SHOX: variants seen among roughly 807,000 people sequenced by gnomAD.
The protein encoded by SHOX is short stature homeobox protein.
In SHOX, 12 loss-of-function variants were observed where a neutral mutation model predicts 29.6. The ratio of observed to expected loss-of-function variants is 0.41; its 90% CI spans 0.26 to 0.66. SHOX has a LOEUF of 0.66. SHOX is among the 30% of genes least tolerant of loss of function. The pLI is 0.35. For missense variants in SHOX, 499 were observed against 437.7 expected (o/e 1.14, Z -1.25); for synonymous variants, 214 against 200.6 (o/e 1.07, Z -0.57).
rs756115596 is a variant in SHOX, at chrX:650,329, C to T, written c.*5693C>T. On this transcript the variant is annotated 3_prime_UTR_variant, in exon 5 of 5. Transcript: ENST00000686671. ...ACGCCCTGTCGTAGGAATGGCCTCT[C>T]CATCCCGCCAAAGTCCAGCCAGGCC... Among the ~76,000 whole-genome samples, 1 of 138,154 alleles carries T rather than the reference C, an allele frequency of 7.2e-6. No individual in the cohort carries two copies. Among genetic ancestry groups the T allele is most frequent in the African/African-American group, 2.7e-5 (1 of 37,240 alleles). 90.6% of individuals were successfully genotyped at this position (138,154 alleles called of 152,430 possible).
chrX:629,033 C>G (rs868501656), upstream of SHOX, among the ~76,000 whole-genome samples: 7,801 of 34,382 alleles, frequency 0.23, 1,585 homozygotes, highest in Admixed American at 0.32. Flanking sequence ...CTCTCCCTTT[C>G]TCTCTCTCTG....
chrX:628,205 C>G (rs1371028010), upstream of SHOX, among the ~76,000 whole-genome samples: 19 of 132,690 alleles, frequency 1.4e-4, no homozygotes, highest in African/African-American at 3.0e-4. Context: ...CTCTCCCTCT[C>G]TCTCCCTGTC....
upstream of SHOX, chrX:630,316 T>A (rs1447141087): frequency 1.4e-5 from 2 of 142,464 alleles, no homozygotes; most frequent in Non-Finnish European, 3.1e-5. Flanking sequence ...GATCCCCCCC[T>A]CGCCATCTCA....
At chrX:651,846 G>A (rs2053069920), downstream of SHOX, among the ~76,000 whole-genome samples, 1 of 151,512 alleles carries the variant, frequency 6.6e-6, no homozygotes. Context: ...CCAGAAGGTG[G>A]CAAAAAAAAC....
At chrX:629,418 TCC>T (rs1181332834), upstream of SHOX, among the ~76,000 whole-genome samples, 1 of 151,348 alleles carries the variant, frequency 6.6e-6, no homozygotes, top group Non-Finnish European at 1.5e-5. Context: ...TCTCCGTCTT[TCC>T]CCCTCTGTCT....
chrX:651,236 T>C lies in SHOX; in HGVS notation c.*6600T>C. On this transcript the variant is annotated 3_prime_UTR_variant, in exon 5 of 5. Coordinates refer to ENST00000686671, the MANE Select transcript of SHOX (RefSeq NM_000451.4). ...TGCTTTTTCTTTTTCCCTCCCCCAT[T>C]GACGACATAGCGGCCCCCGCGTCCG... The C allele has an allele frequency of 2.2e-6, 1 of 448,466 alleles. No individual in the cohort carries two copies. The highest frequency in any genetic ancestry group is 1.6e-5 in the South Asian group (1 of 62,592). 27.8% of individuals were successfully genotyped at this position (448,466 alleles called of 1,614,324 possible). A position where few individuals can be genotyped will look rare whatever the true frequency, so the allele number is the denominator to read the frequency against.
rs867201344 is a variant in SHOX, at chrX:635,386, G to A, written c.486+560G>A. The stretch of plus-strand genomic sequence containing the variant: ...TTGAAAAGGTTTCCTTAGGATGAAA[G>A]GAGAGGGGTGTCCTCTGTCCCTAGG... On this transcript the variant is annotated intron_variant, in intron 2 of 4. Transcript: ENST00000686671. 1.6e-3 allele frequency among the ~76,000 whole-genome samples: 241 copies of A among 152,282 alleles called. No homozygotes were observed. The Middle Eastern group carries it at 0.031, about 19-fold the overall frequency.
intron 1 of SHOX, among the ~76,000 whole-genome samples, chrX:633,730 G>A (rs774028123): frequency 1.5e-3 from 227 of 152,192 alleles, no homozygotes; most frequent in African/African-American, 5.2e-3. Flanking sequence ...CAGCAGGCCC[G>A]AGATAGGAAC....
intron 2 of SHOX, among the ~76,000 whole-genome samples, chrX:638,820 C>G (rs1038839113): frequency 4.6e-5 from 7 of 152,228 alleles, no homozygotes; most frequent in Non-Finnish European, 2.9e-5. Flanking sequence ...TTGCCCACAA[C>G]AGCCGGAGTG....
chrX:652,457 G>A (rs1293574166), downstream of SHOX, among the ~76,000 whole-genome samples: 2 of 151,546 alleles, frequency 1.3e-5, no homozygotes, highest in Non-Finnish European at 2.9e-5. Context: ...TGAGCTGGGA[G>A]GGAAGTGGGG....
chrX:649,797 C>G lies in SHOX; in HGVS notation c.*5161C>G, dbSNP rs1230283659. The G allele has an allele frequency of 9.5e-6, 4 of 420,438 alleles. No individual in the cohort carries two copies. The highest frequency in any genetic ancestry group is 7.0e-5 in the East Asian group (1 of 14,202). The allele number at this position is 420,438 out of a possible 1,614,324, so 26.0% of individuals were successfully genotyped here. A position where few individuals can be genotyped will look rare whatever the true frequency, so the allele number is the denominator to read the frequency against. The stretch of plus-strand genomic sequence containing the variant: ...TACGTATTTTCTTCCCTCCTCTCCC[C>G]AAAACTTGGCCAAATAGTCCGTGGA... On this transcript the variant is annotated 3_prime_UTR_variant, in exon 5 of 5. Coordinates refer to ENST00000686671, the MANE Select transcript of SHOX (RefSeq NM_000451.4).
At chrX:629,517 C>T (rs2124149410), upstream of SHOX, among the ~76,000 whole-genome samples, 1 of 151,914 alleles carries the variant, frequency 6.6e-6, no homozygotes, top group African/African-American at 2.4e-5. Context: ...ATCTCTCTCT[C>T]TCCCTGTCTC....
intron 1 of SHOX, among the ~76,000 whole-genome samples, chrX:634,137 A>G (rs779190282): frequency 6.6e-6 from 1 of 152,254 alleles, no homozygotes; most frequent in Admixed American, 6.5e-5. Context: ...GCTCCGCCAG[A>G]TCGCGGAGGG....
At chrX:658,571 C>T (rs866225973) in intron 5 of SHOX, among the ~76,000 whole-genome samples, 8 of 150,334 alleles carry the variant, frequency 5.3e-5, no homozygotes, top group South Asian at 2.1e-4. Flanking sequence ...CCCGGGTTCA[C>T]GCCATTCTCC....
In SHOX at chrX:646,328, TTTGGTGACCTCCGAGAAGA is replaced by T. The variant is rs1232796331; in HGVS notation, c.*1694_*1712del. On this transcript the variant is annotated 3_prime_UTR_variant, in exon 5 of 5. Transcript: ENST00000686671. ...GGTTTTCTGGGAACACAGCAAGGGGTTTGGTGACCTCCGAGAAGATCCATCTGCATGATTGGCATTAGTT... is the reference window on the plus strand; with the variant it reads ...GGTTTTCTGGGAACACAGCAAGGGGTTCCATCTGCATGATTGGCATTAGTT... 6.6e-6 allele frequency: 1 copy of T among 151,990 alleles called. No individual in the cohort carries two copies. The highest frequency in any genetic ancestry group is 2.4e-5 in the African/African-American group (1 of 41,378). 9.4% of individuals were successfully genotyped at this position (151,990 alleles called of 1,614,324 possible). A position where few individuals can be genotyped will look rare whatever the true frequency, so the allele number is the denominator to read the frequency against.
Position 649,035 on chromosome X carries a change from TTTTCTTTCTTC to T in SHOX, c.*4411_*4421del, listed in dbSNP as rs1233268585. Among the ~76,000 whole-genome samples, 1 of 79,562 alleles carries T rather than the reference TTTTCTTTCTTC, an allele frequency of 1.3e-5. No homozygotes were observed. Among genetic ancestry groups the T allele is most frequent in the Non-Finnish European group, 3.4e-5 (1 of 29,828 alleles). 52.2% of individuals were successfully genotyped at this position (79,562 alleles called of 152,430 possible). On this transcript the variant is annotated 3_prime_UTR_variant, in exon 5 of 5. Coordinates refer to ENST00000686671, the MANE Select transcript of SHOX (RefSeq NM_000451.4). ...TCTTTCTTTCTTTTTCTTTCTTTCT[TTTTCTTTCTTC>T]TTTCTTTCTTCGATGAAGTCTCACT... is the stretch of plus-strand genomic sequence containing the variant.
chrX:626,470 T>C (rs1603282171), upstream of SHOX, among the ~76,000 whole-genome samples: 1 of 139,496 alleles, frequency 7.2e-6, no homozygotes, highest in Non-Finnish European at 1.6e-5. Context: ...TCTCTGTCTA[T>C]CTCTGTCTCT....
chrX:637,449 C>A (rs2052777620), intron 2 of SHOX, among the ~76,000 whole-genome samples: 1 of 151,628 alleles, frequency 6.6e-6, no homozygotes, highest in Admixed American at 6.6e-5. Context: ...AGTTCAGCTG[C>A]GGAAAATTGG....
chrX:633,592 T>G (rs958661358), intron 1 of SHOX, among the ~76,000 whole-genome samples: 2 of 152,102 alleles, frequency 1.3e-5, no homozygotes, highest in Admixed American at 1.3e-4. Flanking sequence ...TTTGCAAGCT[T>G]CTTGGTTGCA....
Sources: allele counts gnomAD v4.1 joint callset (sites outside exome capture counted in the v4.1 genomes callset), GRCh38; gene constraint gnomAD v4.1.1; transcripts MANE v1.5; gene names NCBI Gene and HGNC (gene_info 2026-07-23, HGNC 2026-07-21).